Variants in SERINC5 observed in about 807,000 individuals in gnomAD.
SERINC5 encodes the protein serine incorporator 5.
Under a neutral mutation model 63.1 loss-of-function variants are expected in SERINC5, and 41 were observed. That is an observed-to-expected ratio of 0.65 (90% confidence interval 0.51 to 0.84). The LOEUF (loss-of-function observed/expected upper bound fraction) is 0.84, where lower values mean the gene tolerates loss of function less well. Among genes scored for constraint, SERINC5 ranks in the 40% least tolerant of loss-of-function variants. The probability of loss-of-function intolerance (pLI) is 0.00; values close to 1 mark genes in which losing one functional copy is unlikely to be tolerated. For synonymous variants in SERINC5, 222 were observed against 215.2 expected (o/e 1.03, Z -0.28); for missense variants, 523 against 573.0 (o/e 0.91, Z 0.89).
At chr5:80,181,416 T>TGTGTGTGTGTGTGTGTGTGTG (rs1580124918) in intron 2 of SERINC5, among the ~76,000 whole-genome samples, 2,892 of 145,380 alleles carry the variant, frequency 0.02, 84 homozygotes, top group East Asian at 0.095. Flanking sequence ...TCAGCTAATT[T>TGTGTGTGTGTGTGTGTGTGTG]TGTGTGTGTG....
chr5:80,209,495 A>G (rs1431555138), intron 1 of SERINC5, among the ~76,000 whole-genome samples: 3 of 152,144 alleles, frequency 2.0e-5, no homozygotes, highest in African/African-American at 7.2e-5. Context: ...TGGGTAAGCC[A>G]CCCAGTCAGT....
At chr5:80,185,375 C>A (rs1748728825) in intron 2 of SERINC5, among the ~76,000 whole-genome samples, 1 of 152,186 alleles carries the variant, frequency 6.6e-6, no homozygotes, top group South Asian at 2.1e-4. Context: ...TGAAACAATA[C>A]CGACACCCAT....
intron 2 of SERINC5, among the ~76,000 whole-genome samples, chr5:80,187,047 T>C (rs1203007950): frequency 1.3e-5 from 2 of 151,896 alleles, no homozygotes; most frequent in African/African-American, 2.4e-5. Context: ...ACGTCTGTAG[T>C]CCCAAGTACT....
chr5:80,229,153 AG>A (rs566146343), intron 1 of SERINC5, among the ~76,000 whole-genome samples: 3 of 148,802 alleles, frequency 2.0e-5, no homozygotes, highest in East Asian at 4.0e-4. Flanking sequence ...CCTCCCCAGT[AG>A]CTAGGATTAC....
intron 1 of SERINC5, among the ~76,000 whole-genome samples, chr5:80,225,451 A>G (rs1416895110): frequency 1.3e-5 from 2 of 152,200 alleles, no homozygotes; most frequent in East Asian, 1.9e-4. Context: ...CCTTCCTCTC[A>G]TTCTATCTTT....
At chr5:80,242,660 G>C (rs775272929) in intron 1 of SERINC5, among the ~76,000 whole-genome samples, 12 of 152,202 alleles carry the variant, frequency 7.9e-5, no homozygotes, top group Admixed American at 3.3e-4. Context: ...TGAGGCAGGA[G>C]AATCACTTGA....
intron 1 of SERINC5, among the ~76,000 whole-genome samples, chr5:80,245,176 C>G (rs1010743075): frequency 1.3e-5 from 2 of 151,976 alleles, no homozygotes; most frequent in African/African-American, 4.8e-5. Context: ...CTTTCCTTCT[C>G]GTACTACAGC....
chr5:80,192,172 C>T (rs1438827755), intron 2 of SERINC5, among the ~76,000 whole-genome samples: 3 of 152,214 alleles, frequency 2.0e-5, no homozygotes, highest in Non-Finnish European at 4.4e-5. Flanking sequence ...CTGCCCCACC[C>T]CTGCGCTACT....
intron 5 of SERINC5, among the ~76,000 whole-genome samples, chr5:80,173,958 A>G (rs1461986920): frequency 6.9e-6 from 1 of 145,708 alleles, no homozygotes; most frequent in Admixed American, 7.0e-5. Context: ...GTAAACCACA[A>G]AATTTGAGCT....
intron 2 of SERINC5, among the ~76,000 whole-genome samples, chr5:80,186,125 T>TG (rs1472807005): frequency 9.9e-5 from 10 of 101,362 alleles, no homozygotes. Flanking sequence ...TTTCTTGTTT[T>TG]GAAAAAAAAA....
At chr5:80,245,609 A>T (rs371754605) in intron 1 of SERINC5, among the ~76,000 whole-genome samples, 16,272 of 150,432 alleles carry the variant, frequency 0.11, 1,067 homozygotes, top group Middle Eastern at 0.17. Flanking sequence ...GTGAATATTT[A>T]TTTTTTTTTA....
chr5:80,191,591 A>G (rs1415376533), intron 2 of SERINC5, among the ~76,000 whole-genome samples: 1 of 147,898 alleles, frequency 6.8e-6, no homozygotes, highest in Non-Finnish European at 1.5e-5. Context: ...TGAGCCCCAG[A>G]GGTTAAGCCT....
chr5:80,181,332 C>T (rs1248423517), intron 2 of SERINC5, among the ~76,000 whole-genome samples: 5 of 152,102 alleles, frequency 3.3e-5, no homozygotes, highest in Non-Finnish European at 7.4e-5. Flanking sequence ...CTGCAACCGT[C>T]GCCTCCAGGG....
chr5:80,144,386 T>C (rs1263029759), intron 11 of SERINC5, among the ~76,000 whole-genome samples: 1 of 152,206 alleles, frequency 6.6e-6, no homozygotes, highest in Admixed American at 6.5e-5. Flanking sequence ...GTGGAAGAGC[T>C]GGATTACATT....
chr5:80,169,078 G>A (rs569916709), intron 6 of SERINC5, among the ~76,000 whole-genome samples: 4 of 152,292 alleles, frequency 2.6e-5, no homozygotes, highest in South Asian at 4.1e-4. Context: ...ACATTATTTA[G>A]CAAAGGCAGT....
intron 2 of SERINC5, among the ~76,000 whole-genome samples, chr5:80,181,162 G>GT (rs1417325275): frequency 6.6e-6 from 1 of 152,166 alleles, no homozygotes; most frequent in African/African-American, 2.4e-5. Flanking sequence ...TGTCTCTCCA[G>GT]TCTTAAGTTT....
rs778561405 is a variant in SERINC5 at position 80,113,921 on chromosome 5, C to T, written c.1239-296G>A. ...GTGCCCCCCCACCCATGCCTGTGGG[C>T]GAGGCTCCCCAGGCCTGGTGCCTTT... On this transcript the variant is annotated intron_variant, in intron 11 of 12. Coordinates refer to the SERINC5 transcript ENST00000509193. Among the ~76,000 whole-genome samples, 69 of 151,922 alleles carry T rather than the reference C, an allele frequency of 4.5e-4. 2 individuals carry two copies. The highest frequency in any genetic ancestry group is 6.1e-4 in the African/African-American group (25 of 41,222).
At chr5:80,219,874 G>C (rs1029817513) in intron 1 of SERINC5, among the ~76,000 whole-genome samples, 2 of 151,832 alleles carry the variant, frequency 1.3e-5, no homozygotes, top group African/African-American at 4.8e-5. Flanking sequence ...TTCATTCAGG[G>C]TATTGGCTAC....
chr5:80,185,312 T>G (rs1561405542), intron 2 of SERINC5, among the ~76,000 whole-genome samples: 1 of 152,144 alleles, frequency 6.6e-6, no homozygotes, highest in Non-Finnish European at 1.5e-5. Flanking sequence ...ACTGCTAACT[T>G]GAGCTAGCTA....
Sources: allele counts gnomAD v4.1 joint callset (sites outside exome capture counted in the v4.1 genomes callset), GRCh38; gene constraint gnomAD v4.1.1; transcripts MANE v1.5; gene names NCBI Gene and HGNC (gene_info 2026-07-23, HGNC 2026-07-21).